The following TSSK3 variants were observed in gnomAD, a reference collection of about 807,000 sequenced individuals.
The protein encoded by TSSK3 is testis specific serine kinase 3, also known as testis-specific serine/threonine-protein kinase 3.
In TSSK3, 16 loss-of-function variants were observed where a neutral mutation model predicts 18.9. The observed-to-expected ratio is 0.85, with a 90% CI of 0.57 to 1.28. TSSK3 has a LOEUF of 1.28. Ranked by LOEUF, TSSK3 falls within the 50% of genes most tolerant of loss-of-function variation. The pLI is 0.00. For synonymous variants in TSSK3, 146 were observed against 133.9 expected (o/e 1.09, Z -0.62); for missense variants, 345 against 341.0 (o/e 1.01, Z -0.09).
In TSSK3 at chr1:32,362,663, A is replaced by G. The variant is rs1195110357; in HGVS notation, c.-39A>G. On this transcript the variant is annotated 5_prime_UTR_variant, in exon 1 of 2. The change abolishes an upstream ATG in the 5' untranslated region. Transcript: ENST00000373534. The stretch of plus-strand genomic sequence containing the variant: ...AGTAGAGCTGCCTCTCAGAGGCAGC[A>G]TGAGCTGAGAGGGTGATAGGAAGGC... 31 of 1,610,438 alleles carry G rather than the reference A, an allele frequency of 1.9e-5. No homozygotes were observed. The highest frequency in any genetic ancestry group is 2.4e-5 in the Non-Finnish European group (28 of 1,178,090).
chr1:32,363,145 A>ACCAGGGCTGGGAGAGAACAGGGG, intron 1 of TSSK3: 1 of 417,768 alleles, frequency 2.4e-6, no homozygotes, highest in Non-Finnish European at 4.4e-6. Context: ...AGAGGCCACA[A>ACCAGGGCTGGGAGAGAACAGGGG]CCAGGGCTGG....
rs928256639 is a variant in TSSK3, at chr1:32,362,839, G to A, written c.138G>A (p.Gly46=). 8.7e-6 allele frequency: 14 copies of A among 1,614,034 alleles called. No individual in the cohort carries two copies. The highest frequency in any genetic ancestry group is 1.1e-5 in the Non-Finnish European group (13 of 1,180,016). Residue 46 remains glycine, a synonymous_variant, in exon 1 of 2, where the codon GGG becomes GGA. Coordinates refer to ENST00000373534, the MANE Select transcript of TSSK3 (RefSeq NM_052841.4). ...VAIKVIDKMG[G]PEEFIQRFLP... The stretch of plus-strand genomic sequence containing the variant: ...TTAAAGTTATAGACAAGATGGGAGG[G>A]CCAGAAGGTGAGCCGGGGCCCCTTT...
At position 32,363,409 on chromosome 1, in the gene TSSK3, A is replaced by T. The variant is rs1421173325; in HGVS notation, c.146-186A>T. ...AGTGCTTCTTTTGAATGATATACTA[A>T]CGACAAAAATAATAGAAGTGAACAT... On this transcript the variant is annotated intron_variant, in intron 1 of 1. Coordinates refer to ENST00000373534, the MANE Select transcript of TSSK3 (RefSeq NM_052841.4). 4.8e-6 allele frequency: 3 copies of T among 628,264 alleles called. No individual in the cohort carries two copies. In the African/African-American group the frequency reaches 5.5e-5, roughly 12 times the overall value. 38.9% of individuals were successfully genotyped at this position (628,264 alleles called of 1,614,324 possible). A position where few individuals can be genotyped will look rare whatever the true frequency, so the allele number is the denominator to read the frequency against.
In TSSK3 at chr1:32,362,765, T is replaced by G; in HGVS notation, c.64T>G (p.Ser22Ala). The G allele has an allele frequency of 1.9e-6, 3 of 1,613,958 alleles. No homozygotes were observed. Among genetic ancestry groups the G allele is most frequent in the Non-Finnish European group, 1.7e-6 (2 of 1,179,994 alleles). Residue 22 changes from serine (S) to alanine (A), a missense_variant, in exon 1 of 2, where the codon TCA (serine) becomes GCA (alanine). Ser to Ala is a moderately conservative substitution (Grantham distance 99, BLOSUM62 1). Transcript: ENST00000373534. ...CAAGACCATTGGGGAAGGGACCTAC[T>G]CAAAAGTCAAAGAAGCATTTTCCAA... ...LGKTIGEGTY[S>A]KVKEAFSKKH...
chr1:32,362,578 T>C lies in TSSK3; in HGVS notation c.-124T>C, dbSNP rs1055512825. ...GTCCAGACAGAGAATGTTCTAACGC[T>C]GGGGGCGGCTGCGGATGAAGTCCTT... On this transcript the variant is annotated 5_prime_UTR_variant, in exon 1 of 2. Coordinates refer to ENST00000373534, the MANE Select transcript of TSSK3 (RefSeq NM_052841.4). 7.8e-6 allele frequency: 9 copies of C among 1,156,130 alleles called. No homozygotes were observed. Among genetic ancestry groups the C allele is most frequent in the Non-Finnish European group, 1.1e-5 (9 of 806,200 alleles). 71.6% of individuals were successfully genotyped at this position (1,156,130 alleles called of 1,614,324 possible).
At chr1:32,362,932 G>A in intron 1 of TSSK3, 86 bp downstream of exon 1, 1 of 1,505,298 alleles carries the variant, frequency 6.6e-7, no homozygotes, top group Non-Finnish European at 9.1e-7. Context: ...ACGATCATTC[G>A]ATCATTCCCT....
Position 32,363,715 on chromosome 1 carries a change from A to G in TSSK3, c.266A>G (p.Glu89Gly). 1 of 1,610,488 alleles carries G rather than the reference A, an allele frequency of 6.2e-7. No homozygotes were observed. Among genetic ancestry groups the G allele is most frequent in the Middle Eastern group, 1.7e-4 (1 of 6,044 alleles). ...GACGGGAAAATCTGCCTGGTGATGG[A>G]GCTCGCTGAGGGAGGGGATGTCTTT... ...SADGKICLVMELAEGGDVFDC... is the reference protein window; with the variant it reads ...SADGKICLVMGLAEGGDVFDC... The change falls in exon 2 of 2, where the codon GAG becomes GGG. Residue 89 changes from glutamate (E) to glycine (G), a missense_variant. Physicochemically the swap from Glu to Gly is moderately conservative, Grantham distance 98. Coordinates refer to ENST00000373534, the MANE Select transcript of TSSK3 (RefSeq NM_052841.4).
At position 32,363,763 on chromosome 1, in the gene TSSK3, C is replaced by G. The variant is rs368775541; in HGVS notation, c.314C>G (p.Pro105Arg). ...TTTGACTGCGTGCTGAATGGGGGGC[C>G]ACTGCCTGAAAGCCGGGCCAAGGCC... ...DVFDCVLNGG[P>R]LPESRAKALF... The change falls in exon 2 of 2, where the codon CCA (proline) becomes CGA (arginine). Residue 105 changes from proline to arginine, a missense_variant. Transcript: ENST00000373534. 2 of 1,614,214 alleles carry G rather than the reference C, an allele frequency of 1.2e-6. No homozygotes were observed.
In TSSK3 at chr1:32,364,229, T is replaced by C. The variant is rs1052576745; in HGVS notation, c.780T>C (p.Ser260=). The C allele has an allele frequency of 1.2e-6, 2 of 1,602,380 alleles. No individual in the cohort carries two copies. Among genetic ancestry groups the C allele is most frequent in the African/African-American group, 1.3e-5 (1 of 74,710 alleles). ...TCCGGCCTTCAATTGAAGAAGTTAG[T>C]TGGCATCCATGGCTAGCAAGCACTT... ...MILRPSIEEV[S]WHPWLAST Residue 260 remains serine (S), a synonymous_variant, in exon 2 of 2, where the codon AGT becomes AGC. Transcript: ENST00000373534.
rs764127463 is a variant in TSSK3, at chr1:32,364,143, C to A, written c.694C>A (p.Leu232Met). ...GAAGGGGGTGTCCTTCCCCACTCAT[C>A]TGAGCATCTCGGCCGATTGCCAGGA... The part of the protein sequence containing the change: ...QQKGVSFPTH[L>M]SISADCQDLL... The change falls in exon 2 of 2, where the codon CTG becomes ATG. Residue 232 changes from leucine to methionine, a missense_variant. By Grantham distance (15) the Leu-to-Met change is conservative. Coordinates refer to ENST00000373534, the MANE Select transcript of TSSK3 (RefSeq NM_052841.4). 1 of 1,614,244 alleles carries A rather than the reference C, an allele frequency of 6.2e-7. No individual in the cohort carries two copies. Among genetic ancestry groups the A allele is most frequent in the South Asian group, 1.1e-5 (1 of 91,084 alleles).
At position 32,362,676 on chromosome 1, in the gene TSSK3, G is replaced by GTGAT. The variant is rs769451878; in HGVS notation, c.-25_-22dup. The GTGAT allele has an allele frequency of 1.2e-6, 2 of 1,613,646 alleles. No individual in the cohort carries two copies. Among genetic ancestry groups the GTGAT allele is most frequent in the Non-Finnish European group, 8.5e-7 (1 of 1,179,724 alleles). ...CTCAGAGGCAGCATGAGCTGAGAGG[G>GTGAT]TGATAGGAAGGCGGCGCTAGACAGC... On this transcript the variant is annotated 5_prime_UTR_variant, in exon 1 of 2. Transcript: ENST00000373534.
Position 32,363,899 on chromosome 1 carries a change from T to C in TSSK3, c.450T>C (p.Thr150=). 1.9e-6 allele frequency: 3 copies of C among 1,614,220 alleles called. No individual in the cohort carries two copies. The highest frequency in any genetic ancestry group is 2.5e-6 in the Non-Finnish European group (3 of 1,180,042). Residue 150 remains threonine, a synonymous_variant, in exon 2 of 2, where the codon ACT becomes ACC. Transcript: ENST00000373534. ...ALLQGFNLKL[T]DFGFAKVLPK... ...TGCAGGGCTTCAACCTGAAGCTGAC[T>C]GACTTTGGCTTTGCCAAGGTGTTGC... is the stretch of plus-strand genomic sequence containing the variant.
At position 32,363,605 on chromosome 1, in the gene TSSK3, G is replaced by C; in HGVS notation, c.156G>C (p.Gln52His). 3 of 1,609,728 alleles carry C rather than the reference G, an allele frequency of 1.9e-6. No homozygotes were observed. Among genetic ancestry groups the C allele is most frequent in the Non-Finnish European group, 2.5e-6 (3 of 1,176,906 alleles). ...DKMGGPEEFI[Q>H]RFLPRELQIV... ...CCCTTACTTCCTCAGAGTTTATCCA[G>C]AGATTCCTCCCTCGGGAGCTCCAAA... Residue 52 changes from glutamine to histidine, a missense_variant, in exon 2 of 2, where the codon CAG (glutamine) becomes CAC (histidine). Gln to His is a conservative substitution (Grantham distance 24). Coordinates refer to ENST00000373534, the MANE Select transcript of TSSK3 (RefSeq NM_052841.4).
Position 32,362,597 on chromosome 1 carries a change from A to T in TSSK3, c.-105A>T. 7.2e-7 allele frequency: 1 copy of T among 1,383,086 alleles called. No homozygotes were observed. Among genetic ancestry groups the T allele is most frequent in the South Asian group, 1.3e-5 (1 of 77,028 alleles). The allele number at this position is 1,383,086 out of a possible 1,614,324, so 85.7% of individuals were successfully genotyped here. A position where few individuals can be genotyped will look rare whatever the true frequency, so the allele number is the denominator to read the frequency against. ...TAACGCTGGGGGCGGCTGCGGATGAAGTCCTTGGGGAGAAAAGGAGCAGGC... is the reference window on the plus strand; with the variant it reads ...TAACGCTGGGGGCGGCTGCGGATGATGTCCTTGGGGAGAAAAGGAGCAGGC... On this transcript the variant is annotated 5_prime_UTR_variant, in exon 1 of 2. The change creates a new upstream start codon in the 5' untranslated region. Transcript: ENST00000373534.
Position 32,363,974 on chromosome 1 carries a change from T to C in TSSK3, c.525T>C (p.Tyr175=), listed in dbSNP as rs772366452. 2.5e-6 allele frequency: 4 copies of C among 1,614,140 alleles called. No individual in the cohort carries two copies. Among genetic ancestry groups the C allele is most frequent in the Non-Finnish European group, 2.5e-6 (3 of 1,180,050 alleles). ...LSQTFCGSTA[Y]AAPEVLQGIP... ...AGACCTTCTGCGGCAGTACAGCCTA[T>C]GCTGCCCCCGAGGTGCTGCAGGGCA... is the stretch of plus-strand genomic sequence containing the variant. The change falls in exon 2 of 2, where the codon TAT becomes TAC. Residue 175 remains tyrosine (Y), a synonymous_variant. Transcript: ENST00000373534.
At chr1:32,362,967 A>C (rs1173980982) in intron 1 of TSSK3, 121 bp downstream of exon 1, 4 of 1,227,746 alleles carry the variant, frequency 3.3e-6, no homozygotes, top group Admixed American at 3.7e-5. Context: ...GGAACCAAGC[A>C]AGCCCGATGG....
chr1:32,363,946 G>A lies in TSSK3; in HGVS notation c.497G>A (p.Ser166Asn). 6.2e-7 allele frequency: 1 copy of A among 1,614,254 alleles called. No homozygotes were observed. The change falls in exon 2 of 2, where the codon AGC becomes AAC. Residue 166 changes from serine (S) to asparagine (N), a missense_variant. Coordinates refer to ENST00000373534, the MANE Select transcript of TSSK3 (RefSeq NM_052841.4). ...TTGCCCAAGTCACACCGGGAGCTGAGCCAGACCTTCTGCGGCAGTACAGCC... is the reference window on the plus strand; with the variant it reads ...TTGCCCAAGTCACACCGGGAGCTGAACCAGACCTTCTGCGGCAGTACAGCC... ...KVLPKSHREL[S>N]QTFCGSTAYA...
In TSSK3 at chr1:32,362,764, C is replaced by T. The variant is rs1026475509; in HGVS notation, c.63C>T (p.Tyr21=). ...QLGKTIGEGT[Y]SKVKEAFSKK... Reference sequence around the variant, plus strand: ...GCAAGACCATTGGGGAAGGGACCTACTCAAAAGTCAAAGAAGCATTTTCCA... The same window carrying T: ...GCAAGACCATTGGGGAAGGGACCTATTCAAAAGTCAAAGAAGCATTTTCCA... The change falls in exon 1 of 2, where the codon TAC becomes TAT. Residue 21 remains tyrosine, a synonymous_variant. Transcript: ENST00000373534. 3.1e-6 allele frequency: 5 copies of T among 1,613,978 alleles called. No individual in the cohort carries two copies. Among genetic ancestry groups the T allele is most frequent in the Non-Finnish European group, 3.4e-6 (4 of 1,180,026 alleles).
rs1641724048 is a variant in TSSK3, at chr1:32,362,584, C to G, written c.-118C>G. 3.7e-5 allele frequency: 45 copies of G among 1,212,556 alleles called. No individual in the cohort carries two copies. The South Asian group carries it at 5.8e-4, about 16-fold the overall frequency. 75.1% of individuals were successfully genotyped at this position (1,212,556 alleles called of 1,614,324 possible). On this transcript the variant is annotated 5_prime_UTR_variant, in exon 1 of 2. Transcript: ENST00000373534. ...ACAGAGAATGTTCTAACGCTGGGGG[C>G]GGCTGCGGATGAAGTCCTTGGGGAG...
Sources: gnomAD v4.1 joint callset for allele counts on GRCh38, gnomAD v4.1.1 for gene constraint, MANE v1.5 for transcripts, NCBI Gene and HGNC (gene_info 2026-07-23, HGNC 2026-07-21) for gene names.